Variants in C16orf96 observed in about 807,000 individuals in gnomAD.
C16orf96 encodes the protein uncharacterized protein C16orf96.
A neutral mutation model predicts 103.6 loss-of-function variants in C16orf96; 108 were observed. The ratio of observed to expected loss-of-function variants is 1.04; its 90% CI spans 0.89 to 1.22. C16orf96 has a LOEUF of 1.22. Ranked by LOEUF, C16orf96 falls within the 50% of genes most tolerant of loss-of-function variation. The probability of loss-of-function intolerance (pLI) is 0.00; values close to 1 mark genes in which losing one functional copy is unlikely to be tolerated. For missense variants in C16orf96, 1,586 were observed against 1,464.2 expected, an observed-to-expected ratio of 1.08 and a Z score of -1.36; for synonymous variants, 566 against 593.5, an observed-to-expected ratio of 0.95 and a Z score of 0.67.
rs1567450464 is a variant in C16orf96, at chr16:4,581,163, TA to T, written c.2352+1039del. Among the ~76,000 whole-genome samples, 258 of 118,728 alleles carry T rather than the reference TA, an allele frequency of 2.2e-3. 4 individuals are homozygous for T. The highest frequency in any genetic ancestry group is 7.3e-3 in the African/African-American group (238 of 32,386). 77.9% of individuals were successfully genotyped at this position (118,728 alleles called of 152,430 possible). A position where few individuals can be genotyped will look rare whatever the true frequency, so the allele number is the denominator to read the frequency against. ...ATACATATATATATATATATATATA[TA>T]TATATATATATATATATATAATTAG... is the stretch of plus-strand genomic sequence containing the variant. On this transcript the variant is annotated intron_variant, in intron 7 of 15. Transcript: ENST00000444310.
intron 7 of C16orf96, among the ~76,000 whole-genome samples, chr16:4,584,627 C>T (rs1274660911): frequency 2.6e-5 from 4 of 151,864 alleles, no homozygotes; most frequent in Non-Finnish European, 5.9e-5. Flanking sequence ...ATCTGCCTCC[C>T]GGGTTCAAGT....
Position 4,598,980 on chromosome 16 carries a change from G to T in C16orf96, c.3128-304G>T, listed in dbSNP as rs77057680. Among the ~76,000 whole-genome samples the T allele has an allele frequency of 3.3e-5, 5 of 152,032 alleles. No homozygotes were observed. In the South Asian group the frequency reaches 1.0e-3, roughly 32 times the overall value. On this transcript the variant is annotated intron_variant, in intron 14 of 15. Transcript: ENST00000444310. Reference sequence around the variant, plus strand: ...GAAACATTTAAACAATTAACCGGGAGTAGTGGGGCACACCTGTAGTCCCAG... The same window carrying T: ...GAAACATTTAAACAATTAACCGGGATTAGTGGGGCACACCTGTAGTCCCAG...
chr16:4,588,488 G>A (rs1275311271), intron 9 of C16orf96, among the ~76,000 whole-genome samples, 157 bp downstream of exon 9: 4 of 152,200 alleles, frequency 2.6e-5, no homozygotes, highest in Admixed American at 2.0e-4. Flanking sequence ...TGAAATTGCA[G>A]TCAAGATGTC....
chr16:4,600,445 C>T lies in C16orf96; in HGVS notation c.*128C>T. ...TGAGGCCTATGTGGCCCCCCACCCC[C>T]ACCCCCACCAAGTCCCCTCCATGTC... On this transcript the variant is annotated 3_prime_UTR_variant, in exon 16 of 16. Coordinates refer to ENST00000444310, the MANE Select transcript of C16orf96 (RefSeq NM_001145011.2). 1.6e-6 allele frequency: 1 copy of T among 621,040 alleles called. No individual in the cohort carries two copies. Among genetic ancestry groups the T allele is most frequent in the East Asian group, 2.9e-5 (1 of 35,008 alleles). 38.5% of individuals were successfully genotyped at this position (621,040 alleles called of 1,614,324 possible).
At position 4,588,326 on chromosome 16, in the gene C16orf96, A is replaced by C; in HGVS notation, c.2587A>C (p.Thr863Pro). ...GGAGGAGCTCAGCAAGGACGTGAAC[A>C]CCAAGGTGAATGCCCCCATGTTGAT... ...AMEELSKDVN[T>P]KLVHSDLDPL... is the part of the protein sequence containing the mutation. The change falls in exon 9 of 16, where the codon ACC becomes CCC. Residue 863 changes from threonine (T) to proline (P), a missense_variant. Transcript: ENST00000444310. 6.5e-7 allele frequency: 1 copy of C among 1,548,330 alleles called. No homozygotes were observed. The highest frequency in any genetic ancestry group is 8.7e-7 in the Non-Finnish European group (1 of 1,144,384).
chr16:4,594,884 C>G (rs1897139027), intron 14 of C16orf96, 81 bp downstream of exon 14: 1 of 1,422,318 alleles, frequency 7.0e-7, no homozygotes, highest in Non-Finnish European at 9.6e-7. Flanking sequence ...GCAGGTGGGG[C>G]CCAGAGCCAG....
Position 4,588,290 on chromosome 16 carries a change from A to C in C16orf96, c.2551A>C (p.Lys851Gln). ...GGTCACGATCCATGAGGACAGCTGG[A>C]AGAAGGCTATGGAGGAGCTCAGCAA... ...FKVTIHEDSW[K>Q]KAMEELSKDV... Residue 851 changes from lysine (K) to glutamine (Q), a missense_variant, in exon 9 of 16, where the codon AAG (lysine) becomes CAG (glutamine). Transcript: ENST00000444310. 1 of 1,551,736 alleles carries C rather than the reference A, an allele frequency of 6.4e-7. No individual in the cohort carries two copies. The highest frequency in any genetic ancestry group is 8.7e-7 in the Non-Finnish European group (1 of 1,146,976).
At position 4,556,595 on chromosome 16, in the gene C16orf96, C is replaced by A; in HGVS notation, c.106C>A (p.His36Asn). Residue 36 changes from histidine to asparagine, a missense_variant, in exon 1 of 16, where the codon CAC becomes AAC. Transcript: ENST00000444310. ...CCTCCTGCTGCACGGCATCTTGGAGCACATCCACATGGCCGAGCTCAAGAA... is the reference window on the plus strand; with the variant it reads ...CCTCCTGCTGCACGGCATCTTGGAGAACATCCACATGGCCGAGCTCAAGAA... ...LHLLLHGILEHIHMAELKKVL... is the reference protein window; with the variant it reads ...LHLLLHGILENIHMAELKKVL... 6.4e-7 allele frequency: 1 copy of A among 1,551,728 alleles called. No homozygotes were observed. The highest frequency in any genetic ancestry group is 8.7e-7 in the Non-Finnish European group (1 of 1,147,014).
chr16:4,550,718 C>T, the C16orf96 span, among the ~76,000 whole-genome samples: 1 of 152,238 alleles, frequency 6.6e-6, no homozygotes, highest in African/African-American at 2.4e-5. Context: ...CAGCAGACCC[C>T]AGGTCTTGTG....
intron 14 of C16orf96, among the ~76,000 whole-genome samples, chr16:4,597,851 C>T (rs1413683150): frequency 4.6e-5 from 7 of 152,180 alleles, no homozygotes; most frequent in Admixed American, 4.6e-4. Context: ...GCCACTGCGC[C>T]CGGCCTCATG....
At chr16:4,551,896 G>GCT (rs1182975648), upstream of C16orf96, among the ~76,000 whole-genome samples, 3 of 152,184 alleles carry the variant, frequency 2.0e-5, no homozygotes, top group Middle Eastern at 3.4e-3. Context: ...TTGTCCTGAT[G>GCT]CTCTCCCTCC....
At chr16:4,582,722 G>C (rs8061699) in intron 7 of C16orf96, among the ~76,000 whole-genome samples, 17,383 of 152,066 alleles carry the variant, frequency 0.11, 2,025 homozygotes, top group African/African-American at 0.3. Context: ...TTTCTCCATG[G>C]AGCTGGAGCC....
intron 14 of C16orf96, among the ~76,000 whole-genome samples, chr16:4,596,257 C>T (rs945190206): frequency 3.3e-5 from 5 of 152,154 alleles, no homozygotes; most frequent in South Asian, 4.1e-4. Context: ...GAGACCGAGG[C>T]GGGCGGATCA....
intron 14 of C16orf96, 120 bp from the exon 15 acceptor site, chr16:4,599,164 C>T (rs904337276): frequency 7.6e-5 from 60 of 793,342 alleles, no homozygotes; most frequent in South Asian, 2.6e-4. Context: ...AGGAATGGAC[C>T]GGGGAGCCTG....
In C16orf96 at chr16:4,578,945, A is replaced by G; in HGVS notation, c.2161A>G (p.Met721Val). 1 of 1,551,198 alleles carries G rather than the reference A, an allele frequency of 6.4e-7. No individual in the cohort carries two copies. Among genetic ancestry groups the G allele is most frequent in the Non-Finnish European group, 8.7e-7 (1 of 1,146,814 alleles). ...LNQRLSYLAN[M>V]GGPSSLGTTV... The stretch of plus-strand genomic sequence containing the variant: ...ACCCTGTCCTCTGCTTTCAGCCAAT[A>G]TGGGAGGTCCTTCCAGCCTCGGGAC... The change falls in exon 6 of 16, where the codon ATG becomes GTG. Residue 721 changes from methionine to valine, a missense_variant. Met to Val is a conservative substitution (Grantham distance 21, BLOSUM62 1). Coordinates refer to ENST00000444310, the MANE Select transcript of C16orf96 (RefSeq NM_001145011.2).
intron 1 of C16orf96, chr16:4,562,667 A>G (rs1042203549): frequency 1.6e-5 from 6 of 377,280 alleles, no homozygotes; most frequent in African/African-American, 1.3e-4. Flanking sequence ...AATAATGCAC[A>G]TATAAAAAAA....
At chr16:4,587,545 A>AAAAG (rs1567454127) in intron 8 of C16orf96, among the ~76,000 whole-genome samples, 1 of 72,456 alleles carries the variant, frequency 1.4e-5, no homozygotes. Flanking sequence ...AAAAAAAAAA[A>AAAAG]AAAGAAAGAA....
rs769203413 is a variant in C16orf96 at position 4,576,415 on chromosome 16, C to A, written c.1935C>A (p.Tyr645Ter). The change falls in exon 5 of 16, where the codon TAC becomes TAA. Residue 645 changes from tyrosine to a stop codon, truncating the protein, a stop_gained. Coordinates refer to ENST00000444310, the MANE Select transcript of C16orf96 (RefSeq NM_001145011.2). LOFTEE classifies it high-confidence loss of function. ...SQILGDDSEI[Y>*]EILSPSYSAA... ...TCTTGGGCGATGATTCCGAAATCTA[C>A]GAAATCCTCTCTCCCTCCTACTCTG... 6.4e-7 allele frequency: 1 copy of A among 1,551,182 alleles called. No individual in the cohort carries two copies. Among genetic ancestry groups the A allele is most frequent in the Non-Finnish European group, 8.7e-7 (1 of 1,147,010 alleles).
At chr16:4,578,856 C>A in intron 5 of C16orf96, 84 bp from the exon 6 acceptor site, 1 of 1,016,342 alleles carries the variant, frequency 9.8e-7, no homozygotes, top group Non-Finnish European at 1.5e-6. Context: ...GCCTGAGATG[C>A]TCCATAAGAG....
Sources: gnomAD v4.1 joint callset for allele counts (sites outside exome capture counted in the v4.1 genomes callset) on GRCh38, gnomAD v4.1.1 for gene constraint, MANE v1.5 for transcripts, NCBI Gene and HGNC (gene_info 2026-07-23, HGNC 2026-07-21) for gene names.